CCDC144A: variants seen among roughly 807,000 people sequenced by gnomAD.
CCDC144A encodes the protein coiled-coil domain containing 144A, also known as coiled-coil domain-containing protein 144A.
CCDC144A carries 41 observed loss-of-function variants against 143.8 expected under a neutral mutation model. The ratio of observed to expected loss-of-function variants is 0.29; its 90% CI spans 0.22 to 0.37. The LOEUF is 0.37. Among genes scored for constraint, CCDC144A ranks in the 10% least tolerant of loss-of-function variants. CCDC144A has a pLI of 1.00. For missense variants in CCDC144A, 637 were observed against 1,488.8 expected (o/e 0.43, Z 9.41); for synonymous variants, 242 against 517.9 (o/e 0.47, Z 7.23).
chr17:16,767,751 T>A (rs963379248), intron 15 of CCDC144A, among the ~76,000 whole-genome samples: 34 of 152,260 alleles, frequency 2.2e-4, no homozygotes, highest in Admixed American at 2.0e-3. Flanking sequence ...TAATTTTGTA[T>A]GAAATCACAC....
At position 16,709,098 on chromosome 17, in the gene CCDC144A, A is replaced by G. The variant is rs377307125; in HGVS notation, c.1041A>G (p.Glu347=). Residue 347 remains glutamate, a synonymous_variant, in exon 5 of 17, where the codon GAA becomes GAG. Transcript: ENST00000399273. ...LTNNIPGCEE[E]DASEISVSVV... ...ATAACATACCTGGTTGTGAGGAAGA[A>G]GATGCATCTGAAATATCTGTCTCAG... 5 of 1,611,624 alleles carry G rather than the reference A, an allele frequency of 3.1e-6. No homozygotes were observed. The highest frequency in any genetic ancestry group is 1.7e-5 in the Admixed American group (1 of 60,000).
upstream of CCDC144A, among the ~76,000 whole-genome samples, chr17:16,688,916 T>C (rs1322224280): frequency 6.6e-6 from 1 of 152,202 alleles, no homozygotes; most frequent in African/African-American, 2.4e-5. Context: ...GATTTGAGAC[T>C]GAGCTCCCAT....
intron 9 of CCDC144A, among the ~76,000 whole-genome samples, chr17:16,729,678 C>T (rs1228315690): frequency 1.3e-5 from 2 of 151,612 alleles, no homozygotes; most frequent in African/African-American, 4.9e-5. Context: ...GCCTCAGCCT[C>T]CTGAGTAGCT....
intron 12 of CCDC144A, 24 bp downstream of exon 12, chr17:16,735,667 AT>A (rs1473993085): frequency 1.9e-5 from 12 of 621,396 alleles, no homozygotes; most frequent in Admixed American, 2.9e-5. Flanking sequence ...AAGATAAAAT[AT>A]TTTTCAACCT....
At position 16,776,625 on chromosome 17, in the gene CCDC144A, A is replaced by T. The variant is rs527561075; in HGVS notation, c.*2992A>T. 2.6e-5 allele frequency: 4 copies of T among 152,178 alleles called. No homozygotes were observed. In the South Asian group the frequency reaches 8.3e-4, roughly 32 times the overall value. 9.4% of individuals were successfully genotyped at this position (152,178 alleles called of 1,614,324 possible). A position where few individuals can be genotyped will look rare whatever the true frequency, so the allele number is the denominator to read the frequency against. On this transcript the variant is annotated 3_prime_UTR_variant, in exon 17 of 17. Transcript: ENST00000399273. Reference sequence around the variant, plus strand: ...GCTGAGATGATGGAGTTTTCTAGATATAGGATCATATCATCTGCAAACAAA... The same window carrying T: ...GCTGAGATGATGGAGTTTTCTAGATTTAGGATCATATCATCTGCAAACAAA...
chr17:16,685,547 A>C (rs1567578157), upstream of CCDC144A, among the ~76,000 whole-genome samples: 2 of 148,834 alleles, frequency 1.3e-5, no homozygotes, highest in Non-Finnish European at 3.0e-5. Context: ...CGCCTGGCTA[A>C]TTTTTTTGTA....
chr17:16,680,723 G>A, the CCDC144A span, among the ~76,000 whole-genome samples: 2 of 151,650 alleles, frequency 1.3e-5, no homozygotes, highest in East Asian at 3.9e-4. Context: ...AAAAAAAAAT[G>A]TTTCAAGCTC....
chr17:16,688,890 G>T (rs1358747987), upstream of CCDC144A, among the ~76,000 whole-genome samples: 2 of 152,260 alleles, frequency 1.3e-5, no homozygotes, highest in South Asian at 2.1e-4. Flanking sequence ...CCTAATTTTA[G>T]TTGGTCAGAG....
intron 15 of CCDC144A, among the ~76,000 whole-genome samples, chr17:16,771,334 C>T (rs1448927373): frequency 6.6e-6 from 1 of 152,244 alleles, no homozygotes. Flanking sequence ...TGAAAACTGG[C>T]TCTAACCTGT....
At chr17:16,703,518 C>T (rs1911847408) in intron 2 of CCDC144A, among the ~76,000 whole-genome samples, 1 of 152,074 alleles carries the variant, frequency 6.6e-6, no homozygotes, top group Admixed American at 6.5e-5. Flanking sequence ...TAAAAACAAG[C>T]ATGCGGCCGG....
chr17:16,769,510 T>A (rs892476972), intron 15 of CCDC144A, among the ~76,000 whole-genome samples: 2 of 152,236 alleles, frequency 1.3e-5, no homozygotes, highest in Admixed American at 1.3e-4. Context: ...ACTCACAACA[T>A]GGATAATTGA....
rs767669501 is a variant in CCDC144A at position 16,690,359 on chromosome 17, A to G, written c.-42A>G. The stretch of plus-strand genomic sequence containing the variant: ...TTTCGCAGATTGGAAACCGCGGGCT[A>G]TCCTGCTGGGAGGTTGTGGCCGAGG... On this transcript the variant is annotated 5_prime_UTR_variant, in exon 1 of 17. Transcript: ENST00000399273. 4.2e-6 allele frequency: 6 copies of G among 1,439,892 alleles called. No individual in the cohort carries two copies. The highest frequency in any genetic ancestry group is 5.6e-6 in the Non-Finnish European group (6 of 1,079,960). The allele number at this position is 1,439,892 out of a possible 1,614,324, so 89.2% of individuals were successfully genotyped here. A position where few individuals can be genotyped will look rare whatever the true frequency, so the allele number is the denominator to read the frequency against.
chr17:16,740,081 T>C (rs546668323), intron 12 of CCDC144A, among the ~76,000 whole-genome samples: 1 of 152,276 alleles, frequency 6.6e-6, no homozygotes, highest in Admixed American at 6.5e-5. Flanking sequence ...CCTTCTACTA[T>C]TTACTGCATT....
intron 15 of CCDC144A, chr17:16,764,655 T>C (rs2649384): frequency 5.4e-6 from 1 of 185,236 alleles, no homozygotes; most frequent in South Asian, 1.1e-4. Context: ...CCAAGGTGAA[T>C]ACTTTTATAT....
intron 12 of CCDC144A, among the ~76,000 whole-genome samples, chr17:16,743,632 T>C (rs1914357489): frequency 6.6e-6 from 1 of 152,216 alleles, no homozygotes; most frequent in African/African-American, 2.4e-5. Flanking sequence ...AAGAATGTTA[T>C]TGGTGTTTTT....
chr17:16,706,670 A>G (rs1451163398), intron 3 of CCDC144A: 1 of 150,612 alleles, frequency 6.6e-6, no homozygotes, highest in Non-Finnish European at 1.5e-5. Context: ...TTCACTCTTT[A>G]AATCCTAGTG....
intron 6 of CCDC144A, among the ~76,000 whole-genome samples, chr17:16,717,103 C>CTTTTTTTTTTTT (rs1195816990): frequency 1.6e-5 from 2 of 126,532 alleles, no homozygotes; most frequent in Non-Finnish European, 3.3e-5. Flanking sequence ...GCTCGGCCAG[C>CTTTTTTTTTTTT]TTTTTTTTTT....
intron 8 of CCDC144A, among the ~76,000 whole-genome samples, chr17:16,723,307 C>G (rs1386100154): frequency 1.3e-5 from 2 of 152,010 alleles, no homozygotes; most frequent in Admixed American, 6.5e-5. Flanking sequence ...TATTTCTATT[C>G]TTTTAGTATC....
In CCDC144A at chr17:16,732,526, T is replaced by C. The variant is rs565265702; in HGVS notation, c.2290-12T>C. The C allele has an allele frequency of 1.1e-5, 17 of 1,604,314 alleles. No homozygotes were observed. The highest frequency in any genetic ancestry group is 6.7e-5 in the African/African-American group (5 of 74,286). On this transcript the variant is annotated splice_polypyrimidine_tract_variant and intron_variant, in intron 10 of 16. Transcript: ENST00000399273. ...CAGTGCTATTAGACCAAAACCTCCA[T>C]GTTATCTCTAGGTTGTGCAGGAGAG... is the stretch of plus-strand genomic sequence containing the variant.
Sources: allele counts gnomAD v4.1 joint callset (sites outside exome capture counted in the v4.1 genomes callset), GRCh38; gene constraint gnomAD v4.1.1; transcripts MANE v1.5; gene names NCBI Gene and HGNC (gene_info 2026-07-23, HGNC 2026-07-21).